VWA3B: variants seen among roughly 807,000 people sequenced by gnomAD.
VWA3B encodes the protein von Willebrand factor A domain-containing protein 3B.
Under a neutral mutation model 158.3 loss-of-function variants are expected in VWA3B, and 138 were observed. The ratio of observed to expected loss-of-function variants is 0.87; its 90% CI spans 0.76 to 1.00. VWA3B has a LOEUF of 1.00. VWA3B is among the 50% of genes least tolerant of loss of function. The pLI, the probability that VWA3B is intolerant of heterozygous loss-of-function variation, is 0.00. For missense variants in VWA3B, 1,555 were observed against 1,565.1 expected, an observed-to-expected ratio of 0.99 and a Z score of 0.11; for synonymous variants, 596 against 587.3, an observed-to-expected ratio of 1.01 and a Z score of -0.21.
At chr2:98,208,628 C>T (rs892311583) in intron 12 of VWA3B, among the ~76,000 whole-genome samples, 13 of 152,158 alleles carry the variant, frequency 8.5e-5, no homozygotes, top group African/African-American at 2.9e-4. Context: ...TGGTTTGCTA[C>T]TTCAAGTTAA....
chr2:98,194,351 T>C lies in VWA3B; in HGVS notation c.1606-10T>C. The C allele has an allele frequency of 6.2e-7, 1 of 1,611,966 alleles. No individual in the cohort carries two copies. The highest frequency in any genetic ancestry group is 1.3e-5 in the African/African-American group (1 of 75,016). On this transcript the variant is annotated splice_polypyrimidine_tract_variant and intron_variant, in intron 11 of 27. Transcript: ENST00000477737. ...TGGTTTTATGGTTAAATAATCATTG[T>C]CTCTTTTAGGAACAGCTGAAATATA...
intron 8 of VWA3B, among the ~76,000 whole-genome samples, chr2:98,166,147 G>A (rs1290618724): frequency 6.6e-6 from 1 of 152,156 alleles, no homozygotes; most frequent in Non-Finnish European, 1.5e-5. Flanking sequence ...GACCAGCCTG[G>A]TCAACATGGC....
At chr2:98,329,571 G>C in the VWA3B span, among the ~76,000 whole-genome samples, 1 of 151,964 alleles carries the variant, frequency 6.6e-6, no homozygotes, top group Non-Finnish European at 1.5e-5. Flanking sequence ...ATGAAGAGTA[G>C]ATCTCCATCA....
chr2:98,175,279 T>G (rs977913679), intron 8 of VWA3B, among the ~76,000 whole-genome samples: 2 of 152,124 alleles, frequency 1.3e-5, no homozygotes, highest in Non-Finnish European at 2.9e-5. Flanking sequence ...TTTAAATATG[T>G]CAAAGAACTA....
At chr2:98,196,972 T>A (rs1574052796) in intron 12 of VWA3B, among the ~76,000 whole-genome samples, 1 of 152,166 alleles carries the variant, frequency 6.6e-6, no homozygotes. Flanking sequence ...ACTAAGACAT[T>A]CACATGGCTA....
chr2:98,227,579 T>C (rs1469003783), intron 14 of VWA3B, among the ~76,000 whole-genome samples: 1 of 152,254 alleles, frequency 6.6e-6, no homozygotes, highest in Non-Finnish European at 1.5e-5. Context: ...AATGAAGTAT[T>C]GATTCATGCT....
chr2:98,106,476 T>C (rs1425619231), intron 2 of VWA3B, among the ~76,000 whole-genome samples: 1 of 152,194 alleles, frequency 6.6e-6, no homozygotes, highest in African/African-American at 2.4e-5. Context: ...AGAATTGACA[T>C]CTTTACTATG....
At chr2:98,129,709 A>T (rs571371518) in intron 6 of VWA3B, among the ~76,000 whole-genome samples, 2 of 151,200 alleles carry the variant, frequency 1.3e-5, no homozygotes, top group Non-Finnish European at 3.0e-5. Flanking sequence ...GTGTGTGTGT[A>T]TGTGTGTGTG....
Position 98,198,861 on chromosome 2 carries a change from C to T in VWA3B, c.1737+4369C>T, listed in dbSNP as rs373703881. Among the ~76,000 whole-genome samples, 14 of 152,022 alleles carry T rather than the reference C, an allele frequency of 9.2e-5. No homozygotes were observed. The East Asian group carries it at 9.6e-4, about 10-fold the overall frequency. ...CAGCACTTTGGGAGGCCGAGGCAGG[C>T]GGATCATGAGGTCAGGAGATCAAGA... On this transcript the variant is annotated intron_variant, in intron 12 of 27. Transcript: ENST00000477737.
At chr2:98,307,908 C>G (rs1558783641) in intron 26 of VWA3B, among the ~76,000 whole-genome samples, 2 of 152,162 alleles carry the variant, frequency 1.3e-5, no homozygotes, top group Admixed American at 1.3e-4. Context: ...CATCTTCCCC[C>G]CAACCTCCTT....
intron 19 of VWA3B, chr2:98,245,634 A>G (rs4851121): frequency 0.8 from 367,304 of 456,366 alleles, 149,612 homozygotes; most frequent in South Asian, 0.9. Context: ...TTTTTCTTAA[A>G]TACATTAAGT....
chr2:98,186,773 C>G (rs1681101145), intron 9 of VWA3B, among the ~76,000 whole-genome samples: 1 of 152,098 alleles, frequency 6.6e-6, no homozygotes, highest in Non-Finnish European at 1.5e-5. Context: ...CCTCGGCCGT[C>G]CAGTCTGCTT....
chr2:98,228,573 C>G (rs534733829), intron 15 of VWA3B, among the ~76,000 whole-genome samples: 2 of 152,198 alleles, frequency 1.3e-5, no homozygotes, highest in African/African-American at 2.4e-5. Flanking sequence ...GCTGTGTGGA[C>G]GGGCCCCCAG....
At chr2:98,250,113 T>G (rs1014088173) in intron 19 of VWA3B, among the ~76,000 whole-genome samples, 2 of 152,146 alleles carry the variant, frequency 1.3e-5, no homozygotes, top group South Asian at 4.1e-4. Context: ...TTCTAAAATA[T>G]ATAGTTTTAA....
At chr2:98,285,265 C>A (rs952092893) in intron 22 of VWA3B, among the ~76,000 whole-genome samples, 2 of 152,004 alleles carry the variant, frequency 1.3e-5, no homozygotes, top group African/African-American at 4.8e-5. Flanking sequence ...CTTTTCTATG[C>A]ATTTTATAAA....
In VWA3B at chr2:98,218,029, G is replaced by A. The variant is rs1418064626; in HGVS notation, c.2019+1G>A. On this transcript the variant is annotated splice_donor_variant, in intron 14 of 27. Transcript: ENST00000477737. LOFTEE classifies it high-confidence loss of function. ...TCCCACTCCCCCAGAGGCTGTTCAGGTAAGAGCTTGGTGGGCTAAGAAGGG... is the reference window on the plus strand; with the variant it reads ...TCCCACTCCCCCAGAGGCTGTTCAGATAAGAGCTTGGTGGGCTAAGAAGGG... 6.2e-7 allele frequency: 1 copy of A among 1,602,720 alleles called. No individual in the cohort carries two copies. Among genetic ancestry groups the A allele is most frequent in the African/African-American group, 1.4e-5 (1 of 74,052 alleles).
chr2:98,089,199 C>T (rs1398181925), intron 1 of VWA3B, among the ~76,000 whole-genome samples: 1 of 152,096 alleles, frequency 6.6e-6, no homozygotes, highest in African/African-American at 2.4e-5. Context: ...CAGTTTTATT[C>T]ATCTCAACTC....
At chr2:98,201,537 G>C (rs1344110643) in intron 12 of VWA3B, among the ~76,000 whole-genome samples, 2 of 152,170 alleles carry the variant, frequency 1.3e-5, no homozygotes, top group African/African-American at 4.8e-5. Flanking sequence ...GGAGTGGTGA[G>C]AGAGAACATA....
chr2:98,320,780 C>T, the VWA3B span, among the ~76,000 whole-genome samples: 4 of 152,138 alleles, frequency 2.6e-5, no homozygotes, highest in African/African-American at 4.8e-5. Flanking sequence ...CGTAGAAGTT[C>T]GGAAAATTTG....
Sources: gnomAD v4.1 joint callset for allele counts (sites outside exome capture counted in the v4.1 genomes callset) on GRCh38, gnomAD v4.1.1 for gene constraint, MANE v1.5 for transcripts, NCBI Gene and HGNC (gene_info 2026-07-23, HGNC 2026-07-21) for gene names.